Variants in CHODL observed in about 807,000 individuals in gnomAD.
CHODL encodes the protein transmembrane protein MT75.
A neutral mutation model predicts 34.5 loss-of-function variants in CHODL; 29 were observed. The ratio of observed to expected loss-of-function variants is 0.84; its 90% CI spans 0.63 to 1.15. The LOEUF is 1.15. CHODL is among the 50% of genes most tolerant of loss of function. The pLI is 0.00. For missense variants in CHODL, 332 were observed against 332.5 expected (o/e 1.00, Z 0.01); for synonymous variants, 125 against 116.1 (o/e 1.08, Z -0.49).
intron 2 of CHODL, among the ~76,000 whole-genome samples, chr21:18,197,342 G>C (rs914453521): frequency 3.3e-5 from 5 of 152,176 alleles, no homozygotes; most frequent in Admixed American, 6.5e-5. Context: ...TGAGCGCAGT[G>C]GCTCATGCCT....
At chr21:18,165,981 A>G (rs562013725) in intron 2 of CHODL, among the ~76,000 whole-genome samples, 2 of 152,282 alleles carry the variant, frequency 1.3e-5, no homozygotes, top group South Asian at 4.1e-4. Flanking sequence ...GTAAAAATTT[A>G]TTCTGTGGTT....
chr21:18,033,402 T>A (rs1054633762), intron 2 of CHODL, among the ~76,000 whole-genome samples: 18 of 152,110 alleles, frequency 1.2e-4, no homozygotes, highest in East Asian at 5.8e-4. Context: ...CTGACATATA[T>A]TTAAAAAGAA....
rs75291114 is a variant in CHODL at position 17,967,604 on chromosome 21, A to G, written c.-145+50204A>G. Among the ~76,000 whole-genome samples, 30 of 152,330 alleles carry G rather than the reference A, an allele frequency of 2.0e-4. No individual in the cohort carries two copies. The East Asian group carries it at 4.6e-3, about 24-fold the overall frequency. ...TTCAAAATGCCTCCTATGTAGTAAC[A>G]TGTTACCTCAAAATGTCTTTACTGC... is the stretch of plus-strand genomic sequence containing the variant. On this transcript the variant is annotated intron_variant, in intron 1 of 6. Transcript: ENST00000400127.
At chr21:17,927,021 T>C (rs1232487580) in intron 1 of CHODL, among the ~76,000 whole-genome samples, 3 of 151,314 alleles carry the variant, frequency 2.0e-5, no homozygotes, top group Non-Finnish European at 4.4e-5. Context: ...TACACACATA[T>C]GTGTATGCAT....
intron 2 of CHODL, among the ~76,000 whole-genome samples, chr21:18,193,228 C>T (rs781357256): frequency 6.6e-6 from 1 of 152,088 alleles, no homozygotes; most frequent in Admixed American, 6.6e-5. Flanking sequence ...AATTATTATA[C>T]TCATTATGTA....
chr21:18,194,760 G>C (rs2073562669), intron 2 of CHODL, among the ~76,000 whole-genome samples: 1 of 151,942 alleles, frequency 6.6e-6, no homozygotes. Context: ...ATTTTTCGTT[G>C]TGGGAAATTT....
chr21:18,144,243 A>G lies in CHODL; in HGVS notation c.-44-112266A>G, dbSNP rs536202375. On this transcript the variant is annotated intron_variant, in intron 2 of 6. Coordinates refer to the CHODL transcript ENST00000400127. ...GATACCTGAGAGGATAATTCTTTATATTTGAAAATTATTATATTTTATTGT... is the reference window on the plus strand; with the variant it reads ...GATACCTGAGAGGATAATTCTTTATGTTTGAAAATTATTATATTTTATTGT... Among the ~76,000 whole-genome samples the G allele has an allele frequency of 1.4e-4, 21 of 152,276 alleles. No homozygotes were observed. The South Asian group carries it at 4.1e-3, about 30-fold the overall frequency.
intron 2 of CHODL, among the ~76,000 whole-genome samples, chr21:18,194,095 C>T (rs903678082): frequency 6.8e-6 from 1 of 147,960 alleles, no homozygotes; most frequent in African/African-American, 2.5e-5. Flanking sequence ...CGATCTTTTG[C>T]CCTGATTATC....
intron 2 of CHODL, among the ~76,000 whole-genome samples, chr21:18,073,652 G>A (rs1042463437): frequency 1.3e-5 from 2 of 151,914 alleles, no homozygotes; most frequent in Non-Finnish European, 2.9e-5. Flanking sequence ...TATTCACATT[G>A]AGATTTCAGT....
chr21:17,969,179 A>G (rs1254659187), intron 1 of CHODL, among the ~76,000 whole-genome samples: 1 of 152,178 alleles, frequency 6.6e-6, no homozygotes, highest in Non-Finnish European at 1.5e-5. Context: ...CTTTATATTA[A>G]ATATTCATTG....
At chr21:18,206,340 C>T (rs368805770) in intron 2 of CHODL, among the ~76,000 whole-genome samples, 2 of 152,176 alleles carry the variant, frequency 1.3e-5, no homozygotes, top group Non-Finnish European at 2.9e-5. Context: ...TATATATTTA[C>T]AATTCTTGTG....
At chr21:18,207,556 T>G (rs575761664) in intron 2 of CHODL, among the ~76,000 whole-genome samples, 49 of 152,116 alleles carry the variant, frequency 3.2e-4, no homozygotes, top group African/African-American at 1.1e-3. Flanking sequence ...GTTTGATACC[T>G]TCAGATAATT....
chr21:17,927,062 GTATGTA>G (rs911828891), intron 1 of CHODL, among the ~76,000 whole-genome samples: 27 of 150,146 alleles, frequency 1.8e-4, no homozygotes, highest in African/African-American at 3.9e-4. Context: ...ATGTGTATAT[GTATGTA>G]TATGTATATC....
At chr21:17,930,748 T>C (rs1169709717) in intron 1 of CHODL, among the ~76,000 whole-genome samples, 1 of 152,130 alleles carries the variant, frequency 6.6e-6, no homozygotes, top group African/African-American at 2.4e-5. Context: ...GTTGAACTAA[T>C]CCAATCACCT....
At chr21:17,949,946 A>T (rs930467925) in intron 1 of CHODL, among the ~76,000 whole-genome samples, 6 of 152,272 alleles carry the variant, frequency 3.9e-5, no homozygotes, top group Non-Finnish European at 8.8e-5. Flanking sequence ...AAACAGAGAA[A>T]CTGCAGATAC....
chr21:18,111,814 A>G, intron 2 of CHODL, among the ~76,000 whole-genome samples: 1 of 152,162 alleles, frequency 6.6e-6, no homozygotes, highest in East Asian at 1.9e-4. Context: ...AGCTTAGCCT[A>G]TTCAGTATTT....
intron 2 of CHODL, among the ~76,000 whole-genome samples, chr21:18,132,829 C>T (rs1371071930): frequency 1.3e-5 from 2 of 152,044 alleles, no homozygotes; most frequent in Admixed American, 6.6e-5. Flanking sequence ...GGCCCTCCTC[C>T]CACCTCCATC....
chr21:18,095,917 A>C (rs760692652), intron 2 of CHODL, among the ~76,000 whole-genome samples: 6 of 152,216 alleles, frequency 3.9e-5, no homozygotes, highest in Admixed American at 6.5e-5. Flanking sequence ...TGATCGTTTC[A>C]GTTGATACTA....
chr21:18,192,088 A>C (rs2073517315), intron 2 of CHODL, among the ~76,000 whole-genome samples: 1 of 152,194 alleles, frequency 6.6e-6, no homozygotes, highest in East Asian at 1.9e-4. Context: ...CTCTGGAAGA[A>C]CTACATAACA....
Sources: allele counts gnomAD v4.1 joint callset (sites outside exome capture counted in the v4.1 genomes callset), GRCh38; gene constraint gnomAD v4.1.1; transcripts MANE v1.5; gene names NCBI Gene and HGNC (gene_info 2026-07-23, HGNC 2026-07-21).